Variants in RNLS observed in about 807,000 individuals in gnomAD.
RNLS encodes renalase.
Under a neutral mutation model 39.8 loss-of-function variants are expected in RNLS, and 39 were observed. The ratio of observed to expected loss-of-function variants is 0.98; its 90% CI spans 0.76 to 1.28. The LOEUF (loss-of-function observed/expected upper bound fraction) is 1.28. Among genes scored for constraint, RNLS ranks in the 50% most tolerant of loss-of-function variants. The pLI is 0.00. For synonymous variants in RNLS, 147 were observed against 150.7 expected (o/e 0.98, Z 0.18); for missense variants, 410 against 413.3 (o/e 0.99, Z 0.07).
At chr10:88,212,614 G>C in the RNLS span, among the ~76,000 whole-genome samples, 1 of 152,028 alleles carries the variant, frequency 6.6e-6, no homozygotes, top group Non-Finnish European at 1.5e-5. Context: ...ATTTCATTTT[G>C]GATACTATGT....
At chr10:88,344,516 CA>C (rs1287086601) in intron 5 of RNLS, among the ~76,000 whole-genome samples, 1 of 151,974 alleles carries the variant, frequency 6.6e-6, no homozygotes, top group African/African-American at 2.4e-5. Flanking sequence ...GGTATTTTGG[CA>C]AAAGCTCTTA....
exon 7 of RNLS, chr10:88,274,924 A>G: frequency 1.3e-6 from 2 of 1,543,628 alleles, no homozygotes; most frequent in Non-Finnish European, 1.8e-6. Context: ...AAAAAAAATC[A>G]AATAAAACCT....
the RNLS span, among the ~76,000 whole-genome samples, chr10:88,192,112 T>C: frequency 6.6e-6 from 1 of 152,102 alleles, no homozygotes; most frequent in East Asian, 1.9e-4. Context: ...TATCTTTATG[T>C]TCTTTGTCAG....
the RNLS span, among the ~76,000 whole-genome samples, chr10:88,172,842 GTTTTTTTTTTTTTTTTTTT>G: frequency 2.1e-4 from 9 of 43,778 alleles, no homozygotes; most frequent in South Asian, 5.3e-3. Context: ...ATTTTGAGTT[GTTTTTTTTTTTTTTTTTTT>G]TTTTTTTTTT....
chr10:88,275,683 G>A (rs575323643), intron 6 of RNLS, among the ~76,000 whole-genome samples: 7 of 152,192 alleles, frequency 4.6e-5, no homozygotes, highest in East Asian at 3.9e-4. Context: ...AATTAAAAAC[G>A]CACAGAACAT....
At chr10:88,231,571 C>T in the RNLS span, among the ~76,000 whole-genome samples, 4 of 152,144 alleles carry the variant, frequency 2.6e-5, no homozygotes, top group Admixed American at 2.6e-4. Flanking sequence ...CAGCACAGTG[C>T]CAGGCACTTT....
intron 4 of RNLS, among the ~76,000 whole-genome samples, chr10:88,439,838 C>T (rs1041259096): frequency 1.4e-4 from 21 of 152,312 alleles, no homozygotes; most frequent in African/African-American, 4.8e-4. Context: ...TTTCAACTGT[C>T]TGGACTGTCC....
At chr10:88,438,082 C>T (rs988257679) in intron 4 of RNLS, among the ~76,000 whole-genome samples, 4 of 148,080 alleles carry the variant, frequency 2.7e-5, no homozygotes, top group African/African-American at 1.0e-4. Context: ...GCTGAGATTG[C>T]ACCACTGCAC....
intron 5 of RNLS, among the ~76,000 whole-genome samples, chr10:88,320,152 GAA>G (rs79967084): frequency 5.2e-5 from 7 of 133,432 alleles, no homozygotes; most frequent in African/African-American, 8.2e-5. Context: ...CTCTCTAAAG[GAA>G]AAAAAAAAAA....
intron 4 of RNLS, among the ~76,000 whole-genome samples, chr10:88,467,808 G>T (rs1340734755): frequency 2.0e-5 from 3 of 152,120 alleles, no homozygotes; most frequent in Admixed American, 2.0e-4. Context: ...TTAAAGTGGG[G>T]ACCATGGACC....
At chr10:88,468,924 G>A (rs1843359213) in intron 4 of RNLS, among the ~76,000 whole-genome samples, 1 of 152,092 alleles carries the variant, frequency 6.6e-6, no homozygotes, top group African/African-American at 2.4e-5. Context: ...AAATGCCTTT[G>A]AGTTGTTAAA....
In RNLS at chr10:88,284,531, G is replaced by A. The variant is rs187879824; in HGVS notation, c.*823C>T. On this transcript the variant is annotated 3_prime_UTR_variant, in exon 7 of 7. Coordinates refer to ENST00000331772, the MANE Select transcript of RNLS (RefSeq NM_001031709.3). ...TATTTTCTGGTTCAGTAAATTTTTT[G>A]TTGTGTTAAATTCATTAAACTCGAC... 1 of 985,256 alleles carries A rather than the reference G, an allele frequency of 1.0e-6. No individual in the cohort carries two copies. The highest frequency in any genetic ancestry group is 1.2e-6 in the Non-Finnish European group (1 of 829,880). The allele number at this position is 985,256 out of a possible 1,614,324, so 61.0% of individuals were successfully genotyped here.
intron 5 of RNLS, among the ~76,000 whole-genome samples, chr10:88,353,243 C>T (rs549590832): frequency 1.3e-5 from 2 of 152,110 alleles, no homozygotes; most frequent in Non-Finnish European, 2.9e-5. Flanking sequence ...TATTTCCTGC[C>T]TTCTGCTAGC....
chr10:88,541,821 C>T (rs1848060280), intron 4 of RNLS, among the ~76,000 whole-genome samples: 2 of 152,102 alleles, frequency 1.3e-5, no homozygotes, highest in African/African-American at 4.8e-5. Flanking sequence ...ACAAGGACTT[C>T]CTGCCTTTGA....
intron 4 of RNLS, among the ~76,000 whole-genome samples, chr10:88,531,334 G>A (rs541900936): frequency 6.7e-6 from 1 of 150,190 alleles, no homozygotes; most frequent in South Asian, 2.1e-4. Context: ...GCAACTATAA[G>A]GGAATGTTTT....
In RNLS at chr10:88,462,156, C is replaced by T. The variant is rs143988791; in HGVS notation, c.527-99431G>A. On this transcript the variant is annotated intron_variant, in intron 4 of 6. Coordinates refer to ENST00000331772, the MANE Select transcript of RNLS (RefSeq NM_001031709.3). ...TTTATATTTGTGTGTTTTGACAAACCACTGACCAGACAATAGGTATATAGA... is the reference window on the plus strand; with the variant it reads ...TTTATATTTGTGTGTTTTGACAAACTACTGACCAGACAATAGGTATATAGA... Among the ~76,000 whole-genome samples the T allele has an allele frequency of 5.5e-3, 832 of 151,988 alleles. 5 individuals are homozygous for T. Among genetic ancestry groups the T allele is most frequent in the African/African-American group, 0.019 (787 of 41,500 alleles).
the RNLS span, among the ~76,000 whole-genome samples, chr10:88,262,202 T>C: frequency 6.6e-6 from 1 of 152,274 alleles, no homozygotes; most frequent in African/African-American, 2.4e-5. Flanking sequence ...TTTTTTTTAA[T>C]GTAGGTTTAC....
chr10:88,309,445 T>A, intron 6 of RNLS: 1 of 1,289,800 alleles, frequency 7.8e-7, no homozygotes, highest in Non-Finnish European at 1.0e-6. Flanking sequence ...AGCTCTTCTG[T>A]GTGCACATCC....
At chr10:88,530,243 C>T (rs1847338933) in intron 4 of RNLS, among the ~76,000 whole-genome samples, 1 of 152,168 alleles carries the variant, frequency 6.6e-6, no homozygotes, top group African/African-American at 2.4e-5. Context: ...GGTAGATACT[C>T]ATACAGCACT....
Sources: gnomAD v4.1 joint callset for allele counts (sites outside exome capture counted in the v4.1 genomes callset) on GRCh38, gnomAD v4.1.1 for gene constraint, MANE v1.5 for transcripts, NCBI Gene and HGNC (gene_info 2026-07-23, HGNC 2026-07-21) for gene names.